The following PRKG1 variants were observed in gnomAD, a reference collection of about 807,000 sequenced individuals.
PRKG1 encodes cGMP-dependent protein kinase 1.
Under a neutral mutation model 88.1 loss-of-function variants are expected in PRKG1, and 35 were observed. The ratio of observed to expected loss-of-function variants is 0.40; its 90% CI spans 0.30 to 0.53. PRKG1 has a LOEUF of 0.53. PRKG1 is among the 20% of genes least tolerant of loss of function. PRKG1 has a pLI of 0.59. For synonymous variants in PRKG1, 303 were observed against 292.5 expected (o/e 1.04, Z -0.37); for missense variants, 540 against 839.8 (o/e 0.64, Z 4.41).
chr10:51,361,127 T>C (rs1376336086), intron 2 of PRKG1, among the ~76,000 whole-genome samples: 1 of 151,860 alleles, frequency 6.6e-6, no homozygotes, highest in East Asian at 1.9e-4. Flanking sequence ...TTGCTGGAAA[T>C]GTATAGACAA....
intron 3 of PRKG1, among the ~76,000 whole-genome samples, chr10:51,484,014 C>T (rs1840450270): frequency 6.6e-6 from 1 of 152,066 alleles, no homozygotes; most frequent in African/African-American, 2.4e-5. Context: ...ATAATTACTT[C>T]CTAAGCTTTG....
intron 2 of PRKG1, among the ~76,000 whole-genome samples, chr10:51,225,327 C>T (rs964655456): frequency 1.5e-4 from 23 of 152,126 alleles, no homozygotes; most frequent in Admixed American, 1.0e-3. Flanking sequence ...AATTACCTCC[C>T]GAAGACCCTG....
At chr10:51,430,879 C>T (rs1838748329) in intron 2 of PRKG1, among the ~76,000 whole-genome samples, 1 of 152,058 alleles carries the variant, frequency 6.6e-6, no homozygotes, top group South Asian at 2.1e-4. Flanking sequence ...TGGCAATATC[C>T]AAAGCAGATA....
chr10:51,156,367 T>C (rs551862734), intron 2 of PRKG1, among the ~76,000 whole-genome samples: 5 of 146,410 alleles, frequency 3.4e-5, no homozygotes, highest in Non-Finnish European at 7.6e-5. Flanking sequence ...TGATAGGTGA[T>C]ATTTCTTCCC....
At chr10:51,935,212 C>T (rs938366906) in intron 5 of PRKG1, among the ~76,000 whole-genome samples, 1 of 152,124 alleles carries the variant, frequency 6.6e-6, no homozygotes, top group African/African-American at 2.4e-5. Flanking sequence ...GGGACATCAG[C>T]TTCTAAATCT....
chr10:52,257,725 CATGTT>C lies in PRKG1; in HGVS notation c.1173+6065_1173+6069del, dbSNP rs545220812. 5.0e-5 allele frequency among the ~76,000 whole-genome samples: 7 copies of C among 139,638 alleles called. 2 individuals are homozygous for C. In the South Asian group the frequency reaches 1.2e-3, roughly 23 times the overall value. The allele number at this position is 139,638 out of a possible 152,430, so 91.6% of individuals were successfully genotyped here. A position where few individuals can be genotyped will look rare whatever the true frequency, so the allele number is the denominator to read the frequency against. On this transcript the variant is annotated intron_variant, in intron 10 of 17. Coordinates refer to ENST00000373980, the MANE Select transcript of PRKG1 (RefSeq NM_006258.4). ...GGTTTATTATTAAATATGTAATTCT[CATGTT>C]ATGTTTATTCTTCAAAAGAATAAAA...
intron 7 of PRKG1, among the ~76,000 whole-genome samples, chr10:52,109,653 G>C (rs376821603): frequency 6.6e-6 from 1 of 151,060 alleles, no homozygotes; most frequent in African/African-American, 2.4e-5. Context: ...TGTAATCCCA[G>C]CTACTCAGGA....
intron 9 of PRKG1, among the ~76,000 whole-genome samples, chr10:52,243,202 T>C (rs966494390): frequency 6.6e-6 from 1 of 152,148 alleles, no homozygotes; most frequent in Non-Finnish European, 1.5e-5. Flanking sequence ...TGCTTAGCTG[T>C]AGGGAGGCCA....
At chr10:51,933,655 G>C (rs923392690) in intron 5 of PRKG1, among the ~76,000 whole-genome samples, 2 of 150,782 alleles carry the variant, frequency 1.3e-5, no homozygotes, top group Non-Finnish European at 3.0e-5. Context: ...CAGATCAAAA[G>C]AAACAAAAAA....
chr10:52,163,903 A>C lies in PRKG1; in HGVS notation c.1076+1940A>C, dbSNP rs115288464. Among the ~76,000 whole-genome samples, 583 of 152,288 alleles carry C rather than the reference A, an allele frequency of 3.8e-3. 5 individuals carry two copies. Among genetic ancestry groups the C allele is most frequent in the African/African-American group, 0.013 (555 of 41,560 alleles). ...AAACATGAACCTGAATGAAGGCCAG[A>C]AGTCTTGGGTTCTGCTCCTGGCTCT... On this transcript the variant is annotated intron_variant, in intron 9 of 17. Coordinates refer to ENST00000373980, the MANE Select transcript of PRKG1 (RefSeq NM_006258.4).
intron 5 of PRKG1, among the ~76,000 whole-genome samples, chr10:51,912,787 C>G (rs541527492): frequency 6.3e-4 from 96 of 152,138 alleles, no homozygotes; most frequent in African/African-American, 2.2e-3. Context: ...CACCTACCCC[C>G]TTCTGAAATT....
At chr10:51,406,556 T>A (rs915835020) in intron 2 of PRKG1, among the ~76,000 whole-genome samples, 4 of 151,692 alleles carry the variant, frequency 2.6e-5, no homozygotes, top group African/African-American at 9.7e-5. Flanking sequence ...AAAAAGAAGA[T>A]GCTTTGAAAG....
intron 2 of PRKG1, among the ~76,000 whole-genome samples, chr10:51,265,150 T>C (rs1839807953): frequency 6.6e-6 from 1 of 152,160 alleles, no homozygotes; most frequent in Non-Finnish European, 1.5e-5. Context: ...TGTCAATGAA[T>C]AAGTACATGT....
chr10:51,500,948 A>G (rs1564524567), intron 3 of PRKG1, among the ~76,000 whole-genome samples: 3 of 152,136 alleles, frequency 2.0e-5, no homozygotes, highest in South Asian at 4.1e-4. Context: ...GTTTTTTGCC[A>G]TTATTTTAGT....
chr10:51,689,206 C>T (rs778549164), intron 3 of PRKG1, among the ~76,000 whole-genome samples: 1 of 151,432 alleles, frequency 6.6e-6, no homozygotes, highest in Non-Finnish European at 1.5e-5. Flanking sequence ...GACTAATACA[C>T]CATCAAACAC....
At chr10:51,439,810 A>C (rs907827560) in intron 2 of PRKG1, among the ~76,000 whole-genome samples, 2 of 151,910 alleles carry the variant, frequency 1.3e-5, no homozygotes, top group Non-Finnish European at 2.9e-5. Flanking sequence ...TCAAGGTACT[A>C]AGATTGAATG....
chr10:51,945,088 C>T (rs1842995503), intron 5 of PRKG1, among the ~76,000 whole-genome samples: 2 of 150,784 alleles, frequency 1.3e-5, no homozygotes, highest in African/African-American at 4.9e-5. Context: ...GTGTGGGAGT[C>T]TAAGTCTCTT....
chr10:51,674,784 G>A (rs140115242), intron 3 of PRKG1, among the ~76,000 whole-genome samples: 27 of 152,142 alleles, frequency 1.8e-4, no homozygotes, highest in South Asian at 6.2e-4. Flanking sequence ...TAATTAGTGG[G>A]GTTGAACAAT....
At chr10:51,631,216 C>T (rs1033287383) in intron 3 of PRKG1, among the ~76,000 whole-genome samples, 1 of 152,148 alleles carries the variant, frequency 6.6e-6, no homozygotes, top group East Asian at 1.9e-4. Flanking sequence ...GGTCTTTCCC[C>T]CTCTTCAAAG....
Sources: gnomAD v4.1 joint callset for allele counts (sites outside exome capture counted in the v4.1 genomes callset) on GRCh38, gnomAD v4.1.1 for gene constraint, MANE v1.5 for transcripts, NCBI Gene and HGNC (gene_info 2026-07-23, HGNC 2026-07-21) for gene names.